The following EXOC4 variants were observed in gnomAD, a reference collection of about 807,000 sequenced individuals.
The protein encoded by EXOC4 is exocyst complex component 4, also known as SEC8-like 1.
In EXOC4, 71 loss-of-function variants were observed where a neutral mutation model predicts 107.2. The ratio of observed to expected loss-of-function variants is 0.66; its 90% CI spans 0.55 to 0.81. The LOEUF (loss-of-function observed/expected upper bound fraction) is 0.81. EXOC4 is among the 30% of genes least tolerant of loss of function. The pLI is 0.00. For missense variants in EXOC4, 1,108 were observed against 1,189.6 expected (o/e 0.93, Z 1.01); for synonymous variants, 456 against 441.2 (o/e 1.03, Z -0.42).
At chr7:133,821,819 A>G (rs1797528827) in intron 11 of EXOC4, among the ~76,000 whole-genome samples, 2 of 152,306 alleles carry the variant, frequency 1.3e-5, no homozygotes, top group East Asian at 3.9e-4. Flanking sequence ...CCCAGCTCCT[A>G]GAATAGTGTC....
intron 4 of EXOC4, among the ~76,000 whole-genome samples, chr7:133,317,063 A>T (rs2150581280): frequency 6.6e-6 from 1 of 152,312 alleles, no homozygotes; most frequent in Non-Finnish European, 1.5e-5. Flanking sequence ...AAATTTAAGT[A>T]CTTGGAACCC....
intron 11 of EXOC4, among the ~76,000 whole-genome samples, chr7:133,831,607 G>A (rs1238564167): frequency 6.7e-6 from 1 of 149,776 alleles, no homozygotes. Context: ...ACTACAAGGT[G>A]CTCCTGGCTC....
chr7:133,856,354 A>G (rs529696181), intron 11 of EXOC4, among the ~76,000 whole-genome samples: 1 of 152,374 alleles, frequency 6.6e-6, no homozygotes, highest in South Asian at 2.1e-4. Context: ...GTTGTGAGAG[A>G]GCATCCAAAT....
At chr7:133,414,247 GA>G in intron 7 of EXOC4, among the ~76,000 whole-genome samples, 1 of 152,168 alleles carries the variant, frequency 6.6e-6, no homozygotes, top group South Asian at 2.1e-4. Flanking sequence ...ATAGGGAAAT[GA>G]AAAGTAAAAC....
At chr7:133,916,718 G>A (rs1307639447) in intron 12 of EXOC4, among the ~76,000 whole-genome samples, 1 of 152,130 alleles carries the variant, frequency 6.6e-6, no homozygotes, top group African/African-American at 2.4e-5. Flanking sequence ...CCTATGATGG[G>A]GCAATCTCCT....
At chr7:133,267,007 G>A (rs1793745928) in intron 1 of EXOC4, among the ~76,000 whole-genome samples, 2 of 152,168 alleles carry the variant, frequency 1.3e-5, no homozygotes, top group Admixed American at 1.3e-4. Context: ...TTGCCCATAT[G>A]ATCTGCATAG....
intron 10 of EXOC4, among the ~76,000 whole-genome samples, chr7:133,667,365 A>G (rs1793844239): frequency 6.6e-6 from 1 of 152,202 alleles, no homozygotes; most frequent in African/African-American, 2.4e-5. Flanking sequence ...TGAAACTGAA[A>G]TGAAGCTTCC....
At position 133,578,769 on chromosome 7, in the gene EXOC4, A is replaced by G. The variant is rs370039355; in HGVS notation, c.1418-51276A>G. Among the ~76,000 whole-genome samples the G allele has an allele frequency of 5.3e-5, 8 of 152,296 alleles. No homozygotes were observed. In the East Asian group the frequency reaches 1.4e-3, roughly 26 times the overall value. On this transcript the variant is annotated intron_variant, in intron 9 of 17. Transcript: ENST00000253861. ...GCATTGAAAGAAAAAGCAAAGAAAC[A>G]AATCTTTAATAGTGTTACATTCTGC...
chr7:133,729,120 G>A (rs1861797), intron 10 of EXOC4, among the ~76,000 whole-genome samples: 67,029 of 151,808 alleles, frequency 0.44, 15,151 homozygotes, highest in South Asian at 0.54. Context: ...AGATAATGTT[G>A]GTTATTGATG....
intron 17 of EXOC4, among the ~76,000 whole-genome samples, chr7:134,024,905 G>A (rs1795104665): frequency 6.6e-6 from 1 of 152,222 alleles, no homozygotes; most frequent in South Asian, 2.1e-4. Flanking sequence ...ACTTCTGCTG[G>A]CAGCAGAGCA....
chr7:133,914,470 T>C (rs1033088900), intron 12 of EXOC4, among the ~76,000 whole-genome samples: 18 of 152,092 alleles, frequency 1.2e-4, no homozygotes, highest in Admixed American at 1.2e-3. Flanking sequence ...CATTCATGAA[T>C]GGAACCAAGA....
intron 9 of EXOC4, among the ~76,000 whole-genome samples, chr7:133,550,451 G>T (rs942632005): frequency 2.0e-5 from 3 of 152,102 alleles, no homozygotes; most frequent in African/African-American, 7.2e-5. Flanking sequence ...AAATAATAAA[G>T]ATTTTCTTGA....
chr7:134,035,221 T>A (rs1563099546), intron 17 of EXOC4, among the ~76,000 whole-genome samples: 1 of 151,916 alleles, frequency 6.6e-6, no homozygotes, highest in East Asian at 1.9e-4. Flanking sequence ...AATTTTGTAT[T>A]TTTAGTAGAG....
At chr7:133,350,948 A>G (rs115897413) in intron 5 of EXOC4, among the ~76,000 whole-genome samples, 1,909 of 152,046 alleles carry the variant, frequency 0.013, 31 homozygotes, top group African/African-American at 0.043. Flanking sequence ...AGCTTTCATT[A>G]CATAAGTTTT....
At chr7:133,585,149 G>A (rs1202022386) in intron 9 of EXOC4, among the ~76,000 whole-genome samples, 1 of 152,078 alleles carries the variant, frequency 6.6e-6, no homozygotes, top group Non-Finnish European at 1.5e-5. Flanking sequence ...CCTCACACAT[G>A]CAAAGGTCAA....
rs1314327621 is a variant in EXOC4 at position 133,422,940 on chromosome 7, C to T, written c.1182+47938C>T. ...AAGTAATAGAATTAATGGAGCAGGCCGGGCGCGGTGGCTCACGCCTGTAAT... is the reference window on the plus strand; with the variant it reads ...AAGTAATAGAATTAATGGAGCAGGCTGGGCGCGGTGGCTCACGCCTGTAAT... On this transcript the variant is annotated intron_variant, in intron 7 of 17. Transcript: ENST00000253861. Among the ~76,000 whole-genome samples the T allele has an allele frequency of 5.0e-4, 21 of 41,608 alleles. 10 individuals carry two copies. Among genetic ancestry groups the T allele is most frequent in the Admixed American group, 1.5e-3 (6 of 3,974 alleles). The allele number at this position is 41,608 out of a possible 152,430, so 27.3% of individuals were successfully genotyped here.
chr7:133,281,994 C>T (rs916743489), intron 2 of EXOC4, among the ~76,000 whole-genome samples: 5 of 152,170 alleles, frequency 3.3e-5, no homozygotes, highest in South Asian at 2.1e-4. Flanking sequence ...AGAGCGATCA[C>T]GCCCAGACAA....
the EXOC4 span, among the ~76,000 whole-genome samples, chr7:134,091,786 TAAGC>T: frequency 1.3e-5 from 2 of 152,266 alleles, no homozygotes; most frequent in Admixed American, 1.3e-4. Context: ...TCTCAGTTGA[TAAGC>T]AAGCATTATA....
At chr7:133,817,195 A>G in intron 10 of EXOC4, 130 bp from the exon 11 acceptor site, 1 of 604,972 alleles carries the variant, frequency 1.7e-6, no homozygotes, top group Non-Finnish European at 3.0e-6. Context: ...AATTATATAG[A>G]GATGAGTATT....
Sources: gnomAD v4.1 joint callset for allele counts (sites outside exome capture counted in the v4.1 genomes callset) on GRCh38, gnomAD v4.1.1 for gene constraint, MANE v1.5 for transcripts, NCBI Gene and HGNC (gene_info 2026-07-23, HGNC 2026-07-21) for gene names.